Variants in MARF1 observed in about 807,000 individuals in gnomAD.
The protein encoded by MARF1 is meiosis regulator and mRNA stability factor 1, also known as limkain-b1.
Under a neutral mutation model 168.2 loss-of-function variants are expected in MARF1, and 24 were observed. The observed-to-expected ratio is 0.14, with a 90% CI of 0.10 to 0.20. The LOEUF is 0.20. Among genes scored for constraint, MARF1 ranks in the 10% least tolerant of loss-of-function variants. The probability of loss-of-function intolerance (pLI) is 1.00; values close to 1 mark genes in which losing one functional copy is unlikely to be tolerated. For missense variants in MARF1, 1,744 were observed against 2,143.6 expected (o/e 0.81, Z 3.68); for synonymous variants, 868 against 822.4 (o/e 1.06, Z -0.95).
intron 10 of MARF1, among the ~76,000 whole-genome samples, chr16:15,623,562 T>C (rs2034624046): frequency 6.6e-6 from 1 of 152,124 alleles, no homozygotes; most frequent in African/African-American, 2.4e-5. Flanking sequence ...ATTACAGGCG[T>C]GAGCCACTGT....
intron 1 of MARF1, among the ~76,000 whole-genome samples, chr16:15,641,987 ACTGT>A (rs948242103): frequency 6.6e-6 from 1 of 152,184 alleles, no homozygotes; most frequent in Non-Finnish European, 1.5e-5. Flanking sequence ...GGCTCTGTCG[ACTGT>A]CTGCATTTTG....
Position 15,611,099 on chromosome 16 carries a change from T to A in MARF1, c.3627A>T (p.Ser1209=), listed in dbSNP as rs2033491140. The A allele has an allele frequency of 6.2e-7, 1 of 1,613,756 alleles. No homozygotes were observed. Residue 1209 remains serine, a synonymous_variant, in exon 19 of 27, where the codon TCA becomes TCT. Coordinates refer to ENST00000396368, the MANE Select transcript of MARF1 (RefSeq NM_014647.4). ...CATATTCAGTGACATCCCAGTCCTTTGAGAAACACCTAGGTTTTAACAACG... is the reference window on the plus strand; with the variant it reads ...CATATTCAGTGACATCCCAGTCCTTAGAGAAACACCTAGGTTTTAACAACG... The part of the protein sequence containing the change: ...EFSQAYHWCF[S]KDWDVTEYGV...
intron 3 of MARF1, chr16:15,635,360 C>G (rs2035515333): frequency 2.3e-6 from 1 of 441,606 alleles, no homozygotes; most frequent in Non-Finnish European, 4.0e-6. Context: ...TATAAAAAAT[C>G]CATCGTGCTT....
chr16:15,610,382 G>A (rs557692528), intron 19 of MARF1: 18 of 153,102 alleles, frequency 1.2e-4, no homozygotes, highest in African/African-American at 4.1e-4. Flanking sequence ...TCGGGTCCAG[G>A]ACCCTGCCTG....
At chr16:15,625,840 A>C in intron 7 of MARF1, 40 bp from the exon 8 acceptor site, 1 of 1,512,904 alleles carries the variant, frequency 6.6e-7, no homozygotes, top group East Asian at 2.3e-5. Context: ...GGTTAATTCA[A>C]GGGCACACAT....
intron 16 of MARF1, among the ~76,000 whole-genome samples, chr16:15,615,315 G>A (rs1256646278): frequency 6.6e-6 from 1 of 152,066 alleles, no homozygotes; most frequent in African/African-American, 2.4e-5. Flanking sequence ...GGACAACACA[G>A]CAAGGCCCTA....
chr16:15,637,984 CG>C (rs2035706287), intron 2 of MARF1, among the ~76,000 whole-genome samples: 1 of 148,988 alleles, frequency 6.7e-6, no homozygotes, highest in Non-Finnish European at 1.5e-5. Context: ...CTGGCCAACA[CG>C]GTGAAACCCC....
At chr16:15,613,694 A>AAATAAAT (rs1321492521) in intron 16 of MARF1, among the ~76,000 whole-genome samples, 1 of 130,874 alleles carries the variant, frequency 7.6e-6, no homozygotes, top group African/African-American at 2.8e-5. Flanking sequence ...TAAATAAAAT[A>AAATAAAT]AAATAAAATA....
At position 15,616,065 on chromosome 16, in the gene MARF1, G is replaced by T. The variant is rs895568068; in HGVS notation, c.3078-60C>A. Reference sequence around the variant, plus strand: ...TTAAATCAAAATAACAGAAAAGGAGGCGCTTGCTAAACAGAAGGCTTTGGT... The same window carrying T: ...TTAAATCAAAATAACAGAAAAGGAGTCGCTTGCTAAACAGAAGGCTTTGGT... On this transcript the variant is annotated intron_variant, in intron 15 of 26. Transcript: ENST00000396368. The T allele has an allele frequency of 6.0e-6, 8 of 1,341,476 alleles. No individual in the cohort carries two copies. The Admixed American group carries it at 1.9e-4, about 32-fold the overall frequency. The allele number at this position is 1,341,476 out of a possible 1,614,324, so 83.1% of individuals were successfully genotyped here. A position where few individuals can be genotyped will look rare whatever the true frequency, so the allele number is the denominator to read the frequency against.
Position 15,608,528 on chromosome 16 carries a change from C to T in MARF1, c.3955-10G>A, listed in dbSNP as rs956182449. On this transcript the variant is annotated splice_polypyrimidine_tract_variant and intron_variant, in intron 20 of 26. Coordinates refer to ENST00000396368, the MANE Select transcript of MARF1 (RefSeq NM_014647.4). ...CTCCACATTCCAATACCTTTGAAAA[C>T]ACACGGGGGGAGGAAAGGGAAAATA... is the stretch of plus-strand genomic sequence containing the variant. The T allele has an allele frequency of 2.5e-6, 4 of 1,590,030 alleles. No individual in the cohort carries two copies. Among genetic ancestry groups the T allele is most frequent in the Admixed American group, 1.7e-5 (1 of 59,654 alleles).
rs370318220 is a variant in MARF1, at chr16:15,617,393, C to T, written c.2863G>A (p.Asp955Asn). ...QSPLGSSQSH[D>N]GSSTNCSPII... is the part of the protein sequence containing the mutation. Reference sequence around the variant, plus strand: ...GGGCTGCAATTCGTGGAGGAGCCGTCGTGTGACTGGGAAGACCCCAAGGGG... The same window carrying T: ...GGGCTGCAATTCGTGGAGGAGCCGTTGTGTGACTGGGAAGACCCCAAGGGG... Residue 955 changes from aspartate (D) to asparagine (N), a missense_variant, in exon 14 of 27, where the codon GAC becomes AAC. Asp to Asn is a conservative substitution (Grantham distance 23). Coordinates refer to ENST00000396368, the MANE Select transcript of MARF1 (RefSeq NM_014647.4). 1.4e-5 allele frequency: 23 copies of T among 1,614,028 alleles called. No individual in the cohort carries two copies. Among genetic ancestry groups the T allele is most frequent in the East Asian group, 2.2e-5 (1 of 44,882 alleles).
At chr16:15,630,534 C>T (rs780829049) in intron 6 of MARF1, 30 bp from the exon 7 acceptor site, 3 of 1,578,604 alleles carry the variant, frequency 1.9e-6, no homozygotes, top group East Asian at 2.3e-5. Flanking sequence ...CCAACCCCAT[C>T]CCCAAACATT....
At chr16:15,628,542 A>G (rs866106508) in intron 7 of MARF1, among the ~76,000 whole-genome samples, 1 of 151,806 alleles carries the variant, frequency 6.6e-6, no homozygotes, top group African/African-American at 2.4e-5. Context: ...CCAAGCAGCT[A>G]GGACTACCAG....
intron 16 of MARF1, among the ~76,000 whole-genome samples, chr16:15,613,661 C>CAATAAATAATAAATA (rs74800793): frequency 0.011 from 1,428 of 126,648 alleles, 23 homozygotes; most frequent in Middle Eastern, 0.038. Context: ...GATTCCGTCT[C>CAATAAATAATAAATA]AATAAATAAA....
Position 15,612,758 on chromosome 16 carries a change from C to A in MARF1, c.3273G>T (p.Ser1091=). The change falls in exon 17 of 27, where the codon TCG becomes TCT. Residue 1091 remains serine, a synonymous_variant. Transcript: ENST00000396368. The part of the protein sequence containing the change: ...PPNTDPWLLR[S]KSPVGNPQLI... ...GCTGGGGGTTACCTACAGGACTCTT[C>A]GAACGCAGAAGCCAAGGGTCTAGAA... is the stretch of plus-strand genomic sequence containing the variant. 8.1e-6 allele frequency: 13 copies of A among 1,614,060 alleles called. No individual in the cohort carries two copies. The highest frequency in any genetic ancestry group is 1.0e-5 in the Non-Finnish European group (12 of 1,179,980).
chr16:15,608,017 G>A (rs1391554571), intron 21 of MARF1, among the ~76,000 whole-genome samples: 2 of 152,176 alleles, frequency 1.3e-5, no homozygotes, highest in African/African-American at 4.8e-5. Context: ...ACCCTGGGGT[G>A]AAGAGTGACC....
intron 22 of MARF1, chr16:15,602,535 A>AGAAGACGAAGACGACGAT (rs2032576815): frequency 1.9e-6 from 1 of 514,350 alleles, no homozygotes; most frequent in Non-Finnish European, 3.6e-6. Context: ...ACGACGATAA[A>AGAAGACGAAGACGACGAT]GAAGACGAAG....
chr16:15,614,305 ACC>A (rs1425958285), intron 16 of MARF1, among the ~76,000 whole-genome samples: 1 of 149,402 alleles, frequency 6.7e-6, no homozygotes, highest in Non-Finnish European at 1.5e-5. Context: ...ACACGGTGAA[ACC>A]CTGTCTCTAC....
At position 15,635,637 on chromosome 16, in the gene MARF1, G is replaced by T. The variant is rs376953292; in HGVS notation, c.831+19C>A. 7 of 1,603,156 alleles carry T rather than the reference G, an allele frequency of 4.4e-6. No individual in the cohort carries two copies. The highest frequency in any genetic ancestry group is 6.0e-6 in the Non-Finnish European group (7 of 1,171,134). The stretch of plus-strand genomic sequence containing the variant: ...CAATCCTCAGCTGCACCCAACTTAA[G>T]AAATAAAAAGATACGAACCTTGTTT... On this transcript the variant is annotated intron_variant, in intron 3 of 26. Transcript: ENST00000396368.
Sources: gnomAD v4.1 joint callset for allele counts (sites outside exome capture counted in the v4.1 genomes callset) on GRCh38, gnomAD v4.1.1 for gene constraint, MANE v1.5 for transcripts, NCBI Gene and HGNC (gene_info 2026-07-23, HGNC 2026-07-21) for gene names.